TSC22D2: variants seen among roughly 807,000 people sequenced by gnomAD.
TSC22D2 encodes the protein TSC22 domain family protein 2.
TSC22D2 carries 5 observed loss-of-function variants against 50.1 expected under a neutral mutation model. The ratio of observed to expected loss-of-function variants is 0.10; its 90% CI spans 0.05 to 0.21. TSC22D2 has a LOEUF of 0.21. Ranked by LOEUF, TSC22D2 falls within the 10% of genes least tolerant of loss-of-function variation. TSC22D2 has a pLI of 1.00. For synonymous variants in TSC22D2, 501 were observed against 450.1 expected (o/e 1.11, Z -1.43); for missense variants, 1,003 against 1,015.5 (o/e 0.99, Z 0.17).
At chr3:150,438,898 G>T (rs1720630687) in intron 1 of TSC22D2, among the ~76,000 whole-genome samples, 1 of 152,014 alleles carries the variant, frequency 6.6e-6, no homozygotes. Context: ...TATATTAGAA[G>T]TCATTGCACA....
In TSC22D2 at chr3:150,448,200, G is replaced by C. The variant is rs573296061; in HGVS notation, c.1959-8876G>C. 6.4e-4 allele frequency among the ~76,000 whole-genome samples: 96 copies of C among 151,046 alleles called. 1 individual carries two copies. In the South Asian group the frequency reaches 0.02, roughly 31 times the overall value. Reference sequence around the variant, plus strand: ...TTCATCTAATAAGAAATAATGCTACGTAGGATGACTGCTTCCTGTAATCCT... The same window carrying C: ...TTCATCTAATAAGAAATAATGCTACCTAGGATGACTGCTTCCTGTAATCCT... On this transcript the variant is annotated intron_variant, in intron 1 of 2. Transcript: ENST00000688009.
At chr3:150,415,652 A>C (rs1365566775) in intron 1 of TSC22D2, among the ~76,000 whole-genome samples, 1 of 152,146 alleles carries the variant, frequency 6.6e-6, no homozygotes, top group Non-Finnish European at 1.5e-5. Flanking sequence ...TTGTCTCTAC[A>C]AAACATTTAA....
At chr3:150,416,816 A>T (rs2108063981) in intron 1 of TSC22D2, among the ~76,000 whole-genome samples, 1 of 152,234 alleles carries the variant, frequency 6.6e-6, no homozygotes, top group Middle Eastern at 3.4e-3. Context: ...GTATGAAAGT[A>T]TTGCATGATT....
Position 150,458,371 on chromosome 3 carries a change from C to CA in TSC22D2, c.2011-4dup. ...TTTTGACATTCCTAATTTTGTTTTT[C>CA]ACAGGATCTGGTGAAAAGCCATTTG... On this transcript the variant is annotated splice_region_variant and splice_polypyrimidine_tract_variant and intron_variant, in intron 2 of 2. Coordinates refer to ENST00000688009, the MANE Select transcript of TSC22D2 (RefSeq NM_001303264.2). 6.2e-7 allele frequency: 1 copy of CA among 1,608,422 alleles called. No individual in the cohort carries two copies. Among genetic ancestry groups the CA allele is most frequent in the Non-Finnish European group, 8.5e-7 (1 of 1,177,130 alleles).
At chr3:150,429,635 A>G (rs1720319547) in intron 1 of TSC22D2, among the ~76,000 whole-genome samples, 1 of 152,164 alleles carries the variant, frequency 6.6e-6, no homozygotes, top group Non-Finnish European at 1.5e-5. Flanking sequence ...TGTAGAGTGT[A>G]GTGAAGGTAG....
Position 150,409,698 on chromosome 3 carries a change from G to C in TSC22D2, c.348G>C (p.Ala116=). 1.3e-6 allele frequency: 2 copies of C among 1,587,728 alleles called. No individual in the cohort carries two copies. The highest frequency in any genetic ancestry group is 1.7e-6 in the Non-Finnish European group (2 of 1,169,594). The change falls in exon 1 of 3, where the codon GCG becomes GCC. Residue 116 remains alanine, a synonymous_variant. Coordinates refer to ENST00000688009, the MANE Select transcript of TSC22D2 (RefSeq NM_001303264.2). This position sits in a 1 kb window ranked among gnomAD's most constrained non-coding sequence, Gnocchi z 7.4. ...TTTCGGCCCGGAGCGTGTCTGGGGC[G>C]CTCGCCAGTACCCTGGCGGCGGCTG... The part of the protein sequence containing the change: ...GVVSARSVSG[A]LASTLAAAAT...
At position 150,461,689 on chromosome 3, in the gene TSC22D2, T is replaced by G. The variant is rs1415824119; in HGVS notation, c.*3053T>G. On this transcript the variant is annotated 3_prime_UTR_variant, in exon 3 of 3. Transcript: ENST00000688009. ...TCCAAAATAGCTGAATTTTTCCAAT[T>G]CTATTTATAATATCCTATGCTAATT... The G allele has an allele frequency of 6.6e-6, 1 of 152,176 alleles. No individual in the cohort carries two copies. Among genetic ancestry groups the G allele is most frequent in the Non-Finnish European group, 1.5e-5 (1 of 68,028 alleles). 9.4% of individuals were successfully genotyped at this position (152,176 alleles called of 1,614,324 possible). A position where few individuals can be genotyped will look rare whatever the true frequency, so the allele number is the denominator to read the frequency against.
At position 150,459,650 on chromosome 3, in the gene TSC22D2, ATTTTC is replaced by A. The variant is rs1721320048; in HGVS notation, c.*1018_*1022del. ...TTTATTTAGTGTTTTCTCAGTCACA[ATTTTC>A]TTTACTGTCTAGCATGATCTGCATG... On this transcript the variant is annotated 3_prime_UTR_variant, in exon 3 of 3. Coordinates refer to ENST00000688009, the MANE Select transcript of TSC22D2 (RefSeq NM_001303264.2). The A allele has an allele frequency of 6.8e-6, 1 of 146,882 alleles. No homozygotes were observed. Among genetic ancestry groups the A allele is most frequent in the Non-Finnish European group, 1.5e-5 (1 of 66,850 alleles). The allele number at this position is 146,882 out of a possible 1,614,324, so 9.1% of individuals were successfully genotyped here.
chr3:150,447,312 C>T (rs1720916108), intron 1 of TSC22D2, among the ~76,000 whole-genome samples: 1 of 152,140 alleles, frequency 6.6e-6, no homozygotes, highest in Admixed American at 6.5e-5. Context: ...TGTTAGTGTT[C>T]TCCAGTGTTT....
Position 150,458,763 on chromosome 3 carries a change from T to TA in TSC22D2, c.*128dup, listed in dbSNP as rs1721277443. On this transcript the variant is annotated 3_prime_UTR_variant, in exon 3 of 3. Coordinates refer to ENST00000688009, the MANE Select transcript of TSC22D2 (RefSeq NM_001303264.2). ...GTTGTGTGTTTGGCCTTTTCAGTAT[T>TA]AGACAATCATTCTACAAGAGCTTTT... 2.5e-6 allele frequency: 3 copies of TA among 1,202,472 alleles called. No individual in the cohort carries two copies. The highest frequency in any genetic ancestry group is 3.5e-6 in the Non-Finnish European group (3 of 861,304). 74.5% of individuals were successfully genotyped at this position (1,202,472 alleles called of 1,614,324 possible).
At chr3:150,429,563 T>G (rs1678910359) in intron 1 of TSC22D2, among the ~76,000 whole-genome samples, 1 of 152,146 alleles carries the variant, frequency 6.6e-6, no homozygotes, top group South Asian at 2.1e-4. Flanking sequence ...GCTCTCAAAA[T>G]ATAATTCAAA....
At chr3:150,444,593 G>A (rs1720819829) in intron 1 of TSC22D2, among the ~76,000 whole-genome samples, 1 of 152,106 alleles carries the variant, frequency 6.6e-6, no homozygotes, top group Admixed American at 6.6e-5. Context: ...AATCTAAATC[G>A]ATTTAACAAA....
chr3:150,445,072 A>G (rs1204998090), intron 1 of TSC22D2, among the ~76,000 whole-genome samples: 4 of 152,048 alleles, frequency 2.6e-5, no homozygotes, highest in Non-Finnish European at 5.9e-5. Context: ...TAAATTAGTT[A>G]TATTTCAGTG....
chr3:150,435,619 A>C (rs1376971248), intron 1 of TSC22D2, among the ~76,000 whole-genome samples: 12 of 152,212 alleles, frequency 7.9e-5, no homozygotes, highest in African/African-American at 2.9e-4. Flanking sequence ...GAATCTTTTA[A>C]GGAAATGTGG....
chr3:150,453,831 G>A (rs1260499655), intron 1 of TSC22D2, among the ~76,000 whole-genome samples: 1 of 152,144 alleles, frequency 6.6e-6, no homozygotes, highest in African/African-American at 2.4e-5. Flanking sequence ...TCACAAAGAT[G>A]AAGAAGTTAT....
At chr3:150,434,023 C>T (rs144129018) in intron 1 of TSC22D2, among the ~76,000 whole-genome samples, 4 of 152,138 alleles carry the variant, frequency 2.6e-5, no homozygotes, top group Non-Finnish European at 5.9e-5. Flanking sequence ...TGCAGGGAGC[C>T]GAGATTGCAC....
rs1721266886 is a variant in TSC22D2, at chr3:150,458,550, G to C, written c.2185G>C (p.Gly729Arg). 4 of 1,614,110 alleles carry C rather than the reference G, an allele frequency of 2.5e-6. No homozygotes were observed. The highest frequency in any genetic ancestry group is 3.4e-6 in the Non-Finnish European group (4 of 1,180,012). The change falls in exon 3 of 3, where the codon GGT (glycine) becomes CGT (arginine). Residue 729 changes from glycine (G) to arginine (R), a missense_variant. Gly to Arg is a moderately radical substitution (Grantham distance 125). Around this residue, in one of 6 missense-constraint regions of TSC22D2, gnomAD observed 54 missense variants for 51.4 expected, o/e 1.05. Transcript: ENST00000688009. The stretch of plus-strand genomic sequence containing the variant: ...ACTCCCAACCCAACAGGCCAATCCT[G>C]GTAGCACTTCTCAACAGCAAGCAGT... ...SQLPTQQANP[G>R]STSQQQAVIA...
chr3:150,463,197 C>T lies in TSC22D2; in HGVS notation c.*4561C>T, dbSNP rs1471083501. 1 of 152,156 alleles carries T rather than the reference C, an allele frequency of 6.6e-6. No individual in the cohort carries two copies. The highest frequency in any genetic ancestry group is 1.5e-5 in the Non-Finnish European group (1 of 68,044). 9.4% of individuals were successfully genotyped at this position (152,156 alleles called of 1,614,324 possible). On this transcript the variant is annotated 3_prime_UTR_variant, in exon 3 of 3. Transcript: ENST00000688009. ...TAGGATTAGGATGTTGATTCCAAAG[C>T]CTTTCCCTAAAATCTATTCCTTGCT...
At position 150,458,437 on chromosome 3, in the gene TSC22D2, A is replaced by T; in HGVS notation, c.2072A>T (p.Gln691Leu). 1 of 1,614,168 alleles carries T rather than the reference A, an allele frequency of 6.2e-7. No homozygotes were observed. The highest frequency in any genetic ancestry group is 8.5e-7 in the Non-Finnish European group (1 of 1,179,998). The stretch of plus-strand genomic sequence containing the variant: ...GAAGAAGTGGAAGTTTTAAAGGAAC[A>T]AATAAAAGAATTAGTTGAAAGAAAC... ...VREEVEVLKE[Q>L]IKELVERNSL... Residue 691 changes from glutamine (Q) to leucine (L), a missense_variant, in exon 3 of 3, where the codon CAA (glutamine) becomes CTA (leucine). By Grantham distance (113) the Gln-to-Leu change is moderately radical. Coordinates refer to ENST00000688009, the MANE Select transcript of TSC22D2 (RefSeq NM_001303264.2).
Sources: gnomAD v4.1 joint callset for allele counts (sites outside exome capture counted in the v4.1 genomes callset) on GRCh38, gnomAD v4.1.1 for gene constraint, gnomAD v4.1.1 regional missense constraint, Gnocchi (gnomAD v3.1) non-coding constraint, MANE v1.5 for transcripts, NCBI Gene and HGNC (gene_info 2026-07-23, HGNC 2026-07-21) for gene names.